The following MEGF11 variants were observed in gnomAD, a reference collection of about 807,000 sequenced individuals.
The protein encoded by MEGF11 is multiple epidermal growth factor-like domains protein 11.
In MEGF11, 126 loss-of-function variants were observed where a neutral mutation model predicts 146.6. The ratio of observed to expected loss-of-function variants is 0.86; its 90% CI spans 0.74 to 1.00. MEGF11 has a LOEUF of 1.00. Ranked by LOEUF, MEGF11 falls within the 50% of genes least tolerant of loss-of-function variation. MEGF11 has a pLI of 0.00. For synonymous variants in MEGF11, 532 were observed against 583.4 expected (o/e 0.91, Z 1.27); for missense variants, 1,509 against 1,521.2 (o/e 0.99, Z 0.13).
At chr15:65,935,371 A>G (rs1386717276) in intron 10 of MEGF11, among the ~76,000 whole-genome samples, 3 of 138,298 alleles carry the variant, frequency 2.2e-5, no homozygotes, top group African/African-American at 8.0e-5. Context: ...AAGGCAAAAC[A>G]GCCTGGAGCT....
chr15:66,120,649 C>A (rs1348920204), intron 3 of MEGF11, among the ~76,000 whole-genome samples: 1 of 152,202 alleles, frequency 6.6e-6, no homozygotes, highest in African/African-American at 2.4e-5. Context: ...ATGTCGTAAG[C>A]TAAGGTCATT....
At chr15:66,076,757 T>C (rs923586626) in intron 5 of MEGF11, among the ~76,000 whole-genome samples, 3 of 152,182 alleles carry the variant, frequency 2.0e-5, no homozygotes, top group Admixed American at 2.0e-4. Flanking sequence ...CTGTGGGTCA[T>C]CTTCTGCCCA....
intron 5 of MEGF11, among the ~76,000 whole-genome samples, chr15:66,054,755 T>TAGGG (rs2084611354): frequency 1.3e-5 from 2 of 152,042 alleles, no homozygotes; most frequent in Non-Finnish European, 1.5e-5. Context: ...TGCTCTTAAA[T>TAGGG]AGGGAACTAC....
At chr15:66,096,554 C>G (rs1033380836) in intron 4 of MEGF11, among the ~76,000 whole-genome samples, 1 of 152,180 alleles carries the variant, frequency 6.6e-6, no homozygotes, top group Admixed American at 6.5e-5. Flanking sequence ...CAGCCTCCCC[C>G]GCCCACATGG....
intron 13 of MEGF11, among the ~76,000 whole-genome samples, chr15:65,927,840 G>A (rs944415873): frequency 6.6e-6 from 1 of 152,174 alleles, no homozygotes; most frequent in South Asian, 2.1e-4. Flanking sequence ...CCATGGTAAG[G>A]ATTTAAAATT....
intron 1 of MEGF11, among the ~76,000 whole-genome samples, chr15:66,151,409 A>G (rs11071860): frequency 0.12 from 18,103 of 152,096 alleles, 2,153 homozygotes; most frequent in African/African-American, 0.31. Context: ...TGAGGGAGAG[A>G]ACCCTGAGTG....
intron 5 of MEGF11, among the ~76,000 whole-genome samples, chr15:66,033,350 A>G (rs939085782): frequency 4.6e-5 from 7 of 152,190 alleles, no homozygotes; most frequent in African/African-American, 1.7e-4. Flanking sequence ...GAAGGGCCCC[A>G]GGGTGCCCTC....
intron 5 of MEGF11, among the ~76,000 whole-genome samples, chr15:66,047,518 G>A (rs775492851): frequency 1.3e-5 from 2 of 152,070 alleles, no homozygotes; most frequent in Non-Finnish European, 1.5e-5. Flanking sequence ...TAATAAACAC[G>A]AACTCCCCAG....
chr15:66,020,747 C>CT (rs1196096997), intron 5 of MEGF11, among the ~76,000 whole-genome samples: 1 of 152,108 alleles, frequency 6.6e-6, no homozygotes, highest in African/African-American at 2.4e-5. Context: ...AATCCCAGCA[C>CT]TTTGGGAGGC....
intron 10 of MEGF11, among the ~76,000 whole-genome samples, chr15:65,943,989 CAG>C (rs1363986670): frequency 1.3e-5 from 2 of 152,084 alleles, no homozygotes; most frequent in Non-Finnish European, 2.9e-5. Flanking sequence ...CTGTGGGGGA[CAG>C]AGGGTCTTGC....
chr15:65,908,242 G>C (rs1252947649), intron 23 of MEGF11, among the ~76,000 whole-genome samples: 1 of 152,166 alleles, frequency 6.6e-6, no homozygotes, highest in Non-Finnish European at 1.5e-5. Context: ...TGGTAGAGCA[G>C]CTCAGTTTCC....
rs1293050927 is a variant in MEGF11 at position 65,982,277 on chromosome 15, G to A, written c.606C>T (p.Gly202=). The A allele has an allele frequency of 2.5e-5, 38 of 1,540,664 alleles. No individual in the cohort carries two copies. The highest frequency in any genetic ancestry group is 4.1e-5 in the African/African-American group (3 of 72,968). ...TGTAGCCAGGTGCGCAGAGGCACTC[G>A]CCGGCGCGGGGGTCGCAGCTGGCAC... The part of the protein sequence containing the change: ...RHGASCDPRA[G]ECLCAPGYTG... Residue 202 remains glycine (G), a synonymous_variant, in exon 6 of 26, where the codon GGC becomes GGT. Transcript: ENST00000395614. The surrounding 1 kb of genome is among the most constrained non-coding windows in gnomAD (Gnocchi z 5.6).
At chr15:66,217,207 A>G (rs765376063) in intron 1 of MEGF11, among the ~76,000 whole-genome samples, 11 of 152,248 alleles carry the variant, frequency 7.2e-5, no homozygotes, top group Non-Finnish European at 1.5e-4. Context: ...AGCTATCCAC[A>G]GAAGGCACCT....
chr15:66,037,662 C>A (rs2083777512), intron 5 of MEGF11, among the ~76,000 whole-genome samples: 1 of 152,228 alleles, frequency 6.6e-6, no homozygotes, highest in Non-Finnish European at 1.5e-5. Flanking sequence ...TGGGGCAGCT[C>A]TCTTCCATCA....
At chr15:66,130,734 A>G (rs9672336) in intron 1 of MEGF11, among the ~76,000 whole-genome samples, 31 of 28,596 alleles carry the variant, frequency 1.1e-3, no homozygotes, top group South Asian at 4.8e-3. Context: ...GGGAGGGAGG[A>G]AGGAAGGAAG....
chr15:66,123,815 G>T, intron 3 of MEGF11, 84 bp downstream of exon 3: 2 of 1,063,772 alleles, frequency 1.9e-6, no homozygotes, highest in Non-Finnish European at 2.9e-6. Context: ...ATCTGCTCCA[G>T]CGGCCTTTTT....
In MEGF11 at chr15:66,048,107, A is replaced by G. The variant is rs2084292063; in HGVS notation, c.394+46295T>C. 2.0e-5 allele frequency among the ~76,000 whole-genome samples: 3 copies of G among 152,070 alleles called. 1 individual carries two copies. The South Asian group carries it at 6.2e-4, about 31-fold the overall frequency. On this transcript the variant is annotated intron_variant, in intron 5 of 25. Transcript: ENST00000395614. The stretch of plus-strand genomic sequence containing the variant: ...ACTACAGGCATGTACCACCACGCCC[A>G]GCTAATTTTTGTATTTTTAGTAGAG...
chr15:65,959,912 A>G (rs945125710), intron 9 of MEGF11, among the ~76,000 whole-genome samples: 1 of 152,246 alleles, frequency 6.6e-6, no homozygotes, highest in East Asian at 1.9e-4. Flanking sequence ...GTCTGGCCAC[A>G]TTTTGTCCAC....
At chr15:65,900,854 G>A (rs539701537) in intron 24 of MEGF11, among the ~76,000 whole-genome samples, 86 of 152,306 alleles carry the variant, frequency 5.6e-4, no homozygotes, top group African/African-American at 2.0e-3. Flanking sequence ...AAACATCCTT[G>A]CGAGACACTG....
Sources: gnomAD v4.1 joint callset for allele counts (sites outside exome capture counted in the v4.1 genomes callset) on GRCh38, gnomAD v4.1.1 for gene constraint, Gnocchi (gnomAD v3.1) non-coding constraint, MANE v1.5 for transcripts, NCBI Gene and HGNC (gene_info 2026-07-23, HGNC 2026-07-21) for gene names.